ELFN2: variants seen among roughly 807,000 people sequenced by gnomAD.
The protein encoded by ELFN2 is extracellular leucine rich repeat and fibronectin type III domain containing 2, also known as protein phosphatase 1 regulatory subunit 29.
A neutral mutation model predicts 45.5 loss-of-function variants in ELFN2; 17 were observed. The observed-to-expected ratio is 0.37, with a 90% CI of 0.26 to 0.56. ELFN2 has a LOEUF of 0.56. Ranked by LOEUF, ELFN2 falls within the 20% of genes least tolerant of loss-of-function variation. The pLI, the probability that ELFN2 is intolerant of heterozygous loss-of-function variation, is 0.77. For synonymous variants in ELFN2, 550 were observed against 551.5 expected (o/e 1.00, Z 0.04); for missense variants, 922 against 1,183.2 (o/e 0.78, Z 3.24).
intron 1 of ELFN2, among the ~76,000 whole-genome samples, chr22:37,357,216 T>C (rs2069221): frequency 0.31 from 46,887 of 152,080 alleles, 7,451 homozygotes; most frequent in Middle Eastern, 0.42. Flanking sequence ...ACCTGTCAGC[T>C]GCCTTTTTAG....
At position 37,373,063 on chromosome 22, in the gene ELFN2, AG is replaced by A. The variant is rs550103003; in HGVS notation, c.*8del. On this transcript the variant is annotated 3_prime_UTR_variant, in exon 3 of 3. Coordinates refer to ENST00000402918, the MANE Select transcript of ELFN2 (RefSeq NM_052906.5). ...CTGGCTCCGACCTCACCAGGGAGGA[AG>A]GGGGGGGTCACAGCTTCTGCTGGGC... 126 of 1,578,258 alleles carry A rather than the reference AG, an allele frequency of 8.0e-5. No individual in the cohort carries two copies. The East Asian group carries it at 8.6e-4, about 11-fold the overall frequency.
intron 2 of ELFN2, among the ~76,000 whole-genome samples, chr22:37,395,501 C>T (rs1932192156): frequency 6.6e-6 from 1 of 152,196 alleles, no homozygotes; most frequent in Admixed American, 6.5e-5. Flanking sequence ...CTGAGACACA[C>T]CAAGGTGTTG....
At chr22:37,387,361 T>C (rs960566846) in intron 2 of ELFN2, among the ~76,000 whole-genome samples, 1 of 152,114 alleles carries the variant, frequency 6.6e-6, no homozygotes, top group Admixed American at 6.5e-5. Flanking sequence ...AAGATCCTGG[T>C]GTATGGTAAT....
chr22:37,398,729 TCACACACGCAGGCGTGCA>T (rs1932283439), intron 2 of ELFN2, among the ~76,000 whole-genome samples: 2 of 152,042 alleles, frequency 1.3e-5, no homozygotes, highest in Middle Eastern at 3.4e-3. Flanking sequence ...GCTCCCCGCT[TCACACACGCAGGCGTGCA>T]CACACACGCA....
rs766741566 is a variant in ELFN2 at position 37,373,304 on chromosome 22, G to A, written c.2231C>T (p.Ser744Leu). ...GTAGTAGTGTCTGGGGGAGAGCTGC[G>A]AGTAGGTGGAGTCACGCTTGGAGCG... ...LTRSKRDSTY[S>L]QLSPRHYYSG... is the part of the protein sequence containing the mutation. The change falls in exon 3 of 3, where the codon TCG (serine) becomes TTG (leucine). Residue 744 changes from serine to leucine, a missense_variant. Ser to Leu is a moderately radical substitution (Grantham distance 145). Coordinates refer to ENST00000402918, the MANE Select transcript of ELFN2 (RefSeq NM_052906.5). 55 of 1,613,624 alleles carry A rather than the reference G, an allele frequency of 3.4e-5. No homozygotes were observed. Among genetic ancestry groups the A allele is most frequent in the African/African-American group, 4.0e-5 (3 of 74,944 alleles).
chr22:37,348,815 G>A (rs5995418), intron 1 of ELFN2, among the ~76,000 whole-genome samples: 28,126 of 150,358 alleles, frequency 0.19, 3,684 homozygotes, highest in East Asian at 0.26. Context: ...GACGCTGCCA[G>A]CAGGGCAGCA....
At chr22:37,350,364 T>TA (rs78811748) in intron 1 of ELFN2, among the ~76,000 whole-genome samples, 28,221 of 150,010 alleles carry the variant, frequency 0.19, 3,720 homozygotes, top group South Asian at 0.29. Context: ...GTCCCTCTGG[T>TA]ACGCAGTGTG....
intron 2 of ELFN2, among the ~76,000 whole-genome samples, chr22:37,382,878 C>A (rs1339415417): frequency 6.6e-6 from 1 of 152,154 alleles, no homozygotes; most frequent in East Asian, 1.9e-4. Flanking sequence ...GCTCTGATTA[C>A]TAGAAATTTC....
Position 37,350,224 on chromosome 22 carries a change from A to G in ELFN2, n.149-7521T>C, listed in dbSNP as rs547094639. ...CCCCATGTGGGCCGAGTTTGTCTACAGTTTGTCTAGAAGGGGCCAGGTAGC... is the reference window on the plus strand; with the variant it reads ...CCCCATGTGGGCCGAGTTTGTCTACGGTTTGTCTAGAAGGGGCCAGGTAGC... On this transcript the variant is annotated intron_variant and non_coding_transcript_variant, in intron 1 of 2. Transcript: ENST00000452946. 3.9e-4 allele frequency among the ~76,000 whole-genome samples: 59 copies of G among 150,776 alleles called. 1 individual carries two copies. Among genetic ancestry groups the G allele is most frequent in the African/African-American group, 1.4e-3 (58 of 41,384 alleles).
At chr22:37,415,255 G>A (rs1414526269) in intron 2 of ELFN2, among the ~76,000 whole-genome samples, 1 of 152,226 alleles carries the variant, frequency 6.6e-6, no homozygotes, top group Non-Finnish European at 1.5e-5. Flanking sequence ...CCCTGACTCG[G>A]TTATTCTCAG....
rs1414124814 is a variant in ELFN2, at chr22:37,417,116, G to A, written c.-463+653C>T. ...CGCCACCAACACAGCCTCGGTGACA[G>A]CCCCAGCCTCTCCTCTCCTCTCCTC... is the stretch of plus-strand genomic sequence containing the variant. On this transcript the variant is annotated intron_variant, in intron 2 of 2. Coordinates refer to ENST00000402918, the MANE Select transcript of ELFN2 (RefSeq NM_052906.5). This position sits in a 1 kb window ranked among gnomAD's most constrained non-coding sequence, Gnocchi z 4.5. 6.6e-6 allele frequency among the ~76,000 whole-genome samples: 1 copy of A among 151,218 alleles called. No individual in the cohort carries two copies. Among genetic ancestry groups the A allele is most frequent in the Non-Finnish European group, 1.5e-5 (1 of 67,528 alleles).
intron 2 of ELFN2, among the ~76,000 whole-genome samples, chr22:37,404,367 C>T (rs757845787): frequency 6.6e-6 from 1 of 152,056 alleles, no homozygotes; most frequent in Non-Finnish European, 1.5e-5. Flanking sequence ...TTGAGTCAGG[C>T]TTAGCGAAGA....
intron 2 of ELFN2, among the ~76,000 whole-genome samples, chr22:37,411,676 C>T (rs1932652800): frequency 6.6e-6 from 1 of 152,182 alleles, no homozygotes; most frequent in Non-Finnish European, 1.5e-5. Context: ...AGCTGTGACC[C>T]AGTGTGGAGA....
rs556589742 is a variant in ELFN2, at chr22:37,368,572, G to A, written c.*4500C>T. The A allele has an allele frequency of 2.0e-5, 3 of 152,384 alleles. No individual in the cohort carries two copies. Among genetic ancestry groups the A allele is most frequent in the South Asian group, 2.1e-4 (1 of 4,828 alleles). 9.4% of individuals were successfully genotyped at this position (152,384 alleles called of 1,614,324 possible). ...GTGTGTCAGGATGGAATCTGAGCAT[G>A]AGAGTTAGAGGAGGTCCCCTCTCCT... On this transcript the variant is annotated 3_prime_UTR_variant, in exon 3 of 3. Transcript: ENST00000402918.
At position 37,374,935 on chromosome 22, in the gene ELFN2, C is replaced by T. The variant is rs765133654; in HGVS notation, c.600G>A (p.Leu200=). ...TCTTGGTGACGTTGTTGAAGACCAC[C>T]AGCCAGGCCAGGAAGCCGAAGAGGT... ...ECDLFGFLAW[L]VVFNNVTKNY... Residue 200 remains leucine, a synonymous_variant, in exon 3 of 3, where the codon CTG becomes CTA. Transcript: ENST00000402918. 1.9e-6 allele frequency: 3 copies of T among 1,613,004 alleles called. No homozygotes were observed. Among genetic ancestry groups the T allele is most frequent in the Non-Finnish European group, 2.5e-6 (3 of 1,179,978 alleles).
In ELFN2 at chr22:37,374,642, G is replaced by C; in HGVS notation, c.893C>G (p.Ala298Gly). The C allele has an allele frequency of 6.2e-7, 1 of 1,613,694 alleles. No homozygotes were observed. The highest frequency in any genetic ancestry group is 8.5e-7 in the Non-Finnish European group (1 of 1,179,600). Residue 298 changes from alanine to glycine, a missense_variant, in exon 3 of 3, where the codon GCC (alanine) becomes GGC (glycine). Transcript: ENST00000402918. The stretch of plus-strand genomic sequence containing the variant: ...GAACGTGACGTGGTGCAGCTTGATG[G>C]CTGGCCCTGCCGACGCATCCGTGGT... ...SSTTDASAGP[A>G]IKLHHVTFTS...
chr22:37,423,224 G>A (rs1252340213), intron 1 of ELFN2, among the ~76,000 whole-genome samples: 1 of 152,170 alleles, frequency 6.6e-6, no homozygotes, highest in Non-Finnish European at 1.5e-5. Context: ...CATCTCTGTG[G>A]GGAATGGGAT....
chr22:37,408,667 G>A (rs569276922), intron 2 of ELFN2, among the ~76,000 whole-genome samples: 1 of 152,328 alleles, frequency 6.6e-6, no homozygotes, highest in South Asian at 2.1e-4. Context: ...TGGCCTTCCA[G>A]GGATTGCCAA....
At chr22:37,354,243 C>T (rs941554245) in intron 1 of ELFN2, 5 of 152,210 alleles carry the variant, frequency 3.3e-5, no homozygotes, top group Admixed American at 1.3e-4. Context: ...GCTGGCAGGA[C>T]TGCAAAGGGC....
Sources: gnomAD v4.1 joint callset for allele counts (sites outside exome capture counted in the v4.1 genomes callset) on GRCh38, gnomAD v4.1.1 for gene constraint, Gnocchi (gnomAD v3.1) non-coding constraint, MANE v1.5 for transcripts, NCBI Gene and HGNC (gene_info 2026-07-23, HGNC 2026-07-21) for gene names.